AK9: variants seen among roughly 807,000 people sequenced by gnomAD.
The protein encoded by AK9 is adenylate kinase domain containing 1.
Under a neutral mutation model 239.6 loss-of-function variants are expected in AK9, and 191 were observed. The ratio of observed to expected loss-of-function variants is 0.80; its 90% confidence interval spans 0.71 to 0.90. AK9 has a LOEUF of 0.90. Among genes scored for constraint, AK9 ranks in the 40% least tolerant of loss-of-function variants. The probability of loss-of-function intolerance (pLI) is 0.00; values close to 1 mark genes in which losing one functional copy is unlikely to be tolerated. For synonymous variants in AK9, 689 were observed against 721.0 expected (o/e 0.96, Z 0.71); for missense variants, 1,995 against 2,214.7 (o/e 0.90, Z 1.99).
At chr6:109,611,833 A>C (rs1013548949) in intron 16 of AK9, among the ~76,000 whole-genome samples, 177 bp downstream of exon 16, 10 of 152,224 alleles carry the variant, frequency 6.6e-5, no homozygotes, top group Non-Finnish European at 1.3e-4. Context: ...TTAGTTTTTC[A>C]GTGTTCTTGC....
intron 17 of AK9, among the ~76,000 whole-genome samples, chr6:109,594,535 A>G (rs1041495636): frequency 6.6e-6 from 1 of 152,232 alleles, no homozygotes; most frequent in East Asian, 1.9e-4. Context: ...GGAACCAAAA[A>G]AGAGCTCATA....
chr6:109,522,094 C>T (rs1360237025), intron 29 of AK9, among the ~76,000 whole-genome samples: 7 of 151,994 alleles, frequency 4.6e-5, no homozygotes, highest in Admixed American at 4.6e-4. Flanking sequence ...TAGAATTTTA[C>T]AAGTGTTGTC....
Position 109,563,592 on chromosome 6 carries a change from C to G in AK9, c.2751+5G>C, listed in dbSNP as rs536011474. 1 of 1,549,554 alleles carries G rather than the reference C, an allele frequency of 6.5e-7. No homozygotes were observed. Among genetic ancestry groups the G allele is most frequent in the East Asian group, 2.4e-5 (1 of 40,890 alleles). On this transcript the variant is annotated splice_donor_5th_base_variant and intron_variant, in intron 24 of 40. Transcript: ENST00000424296. ...TGAGAATGAGTAGAAATAAAAGAATCATGCCTCTTCCTCTTCCTCTTCCTC... is the reference window on the plus strand; with the variant it reads ...TGAGAATGAGTAGAAATAAAAGAATGATGCCTCTTCCTCTTCCTCTTCCTC...
intron 22 of AK9, 55 bp downstream of exon 22, chr6:109,564,701 A>C: frequency 2.2e-6 from 3 of 1,378,786 alleles, no homozygotes; most frequent in Non-Finnish European, 3.0e-6. Context: ...GACCCTTTGT[A>C]AGAAAATATG....
intron 6 of AK9, among the ~76,000 whole-genome samples, chr6:109,660,581 G>T (rs913641326): frequency 6.6e-6 from 1 of 152,120 alleles, no homozygotes; most frequent in Non-Finnish European, 1.5e-5. Context: ...TTCACAAAAA[G>T]AATTTCAACC....
At chr6:109,642,323 C>A (rs1475827941) in intron 9 of AK9, among the ~76,000 whole-genome samples, 1 of 152,190 alleles carries the variant, frequency 6.6e-6, no homozygotes, top group Non-Finnish European at 1.5e-5. Flanking sequence ...AAGAGGCCAG[C>A]ACACAGATCA....
intron 1 of AK9, among the ~76,000 whole-genome samples, chr6:109,685,769 C>T (rs769672383): frequency 9.2e-5 from 14 of 152,132 alleles, no homozygotes; most frequent in Non-Finnish European, 1.5e-4. Flanking sequence ...AAGCTCATGA[C>T]ATTGCATACT....
intron 9 of AK9, 86 bp from the exon 10 acceptor site, chr6:109,641,702 C>T: frequency 9.4e-7 from 1 of 1,060,374 alleles, no homozygotes. Flanking sequence ...TGAGCCAAGA[C>T]CATGCTCCCC....
intron 27 of AK9, among the ~76,000 whole-genome samples, chr6:109,539,210 T>G (rs149957055): frequency 0.029 from 4,382 of 152,296 alleles, 100 homozygotes; most frequent in East Asian, 0.11. Flanking sequence ...TCCAACTTGG[T>G]TCCATTCTCC....
At chr6:109,683,304 C>A (rs1407905429) in intron 1 of AK9, among the ~76,000 whole-genome samples, 1 of 152,134 alleles carries the variant, frequency 6.6e-6, no homozygotes, top group Non-Finnish European at 1.5e-5. Context: ...ATTGAATGGG[C>A]AAAAACTGGA....
intron 8 of AK9, among the ~76,000 whole-genome samples, chr6:109,647,989 A>C (rs1299552230): frequency 6.6e-6 from 1 of 152,140 alleles, no homozygotes; most frequent in Non-Finnish European, 1.5e-5. Flanking sequence ...CTGAATGACT[A>C]CTGGGTACAT....
chr6:109,674,811 A>T (rs1175123469), intron 2 of AK9, among the ~76,000 whole-genome samples: 1 of 152,210 alleles, frequency 6.6e-6, no homozygotes, highest in Non-Finnish European at 1.5e-5. Context: ...AACATAGTGA[A>T]AGTTGTTGAA....
chr6:109,632,837 C>A (rs1010371695), intron 12 of AK9, 86 bp downstream of exon 12: 2 of 1,410,966 alleles, frequency 1.4e-6, no homozygotes, highest in Non-Finnish European at 9.3e-7. Flanking sequence ...AAATTATAAT[C>A]GAGTATAGAT....
chr6:109,647,346 C>T (rs199658063), intron 8 of AK9, among the ~76,000 whole-genome samples: 1 of 152,246 alleles, frequency 6.6e-6, no homozygotes, highest in South Asian at 2.1e-4. Context: ...GGAGACCCAT[C>T]TCACGTGCAG....
At chr6:109,684,393 C>T (rs945489165) in intron 1 of AK9, among the ~76,000 whole-genome samples, 1 of 152,118 alleles carries the variant, frequency 6.6e-6, no homozygotes, top group African/African-American at 2.4e-5. Context: ...CCAAAATTGA[C>T]AAATGGGATC....
intron 24 of AK9, among the ~76,000 whole-genome samples, chr6:109,551,772 A>G (rs1784393277): frequency 8.5e-6 from 1 of 117,560 alleles, no homozygotes; most frequent in Admixed American, 8.8e-5. Context: ...ATTTCTTCCA[A>G]AAAAAAAAAG....
At position 109,563,687 on chromosome 6, in the gene AK9, C is replaced by T. The variant is rs754701912; in HGVS notation, c.2661G>A (p.Glu887=). 1.3e-6 allele frequency: 2 copies of T among 1,550,764 alleles called. No individual in the cohort carries two copies. Among genetic ancestry groups the T allele is most frequent in the South Asian group, 1.2e-5 (1 of 84,024 alleles). ...CTTCCTCATAATCTTCCCCAGTTAACTCCCATGCAGTATATTGAAATGGTT... is the reference window on the plus strand; with the variant it reads ...CTTCCTCATAATCTTCCCCAGTTAATTCCCATGCAGTATATTGAAATGGTT... ...MEKPFQYTAW[E]LTGEDYEEET... The change falls in exon 24 of 41, where the codon GAG becomes GAA. Residue 887 remains glutamate (E), a synonymous_variant. Transcript: ENST00000424296.
intron 17 of AK9, among the ~76,000 whole-genome samples, chr6:109,593,359 G>A (rs1700942304): frequency 6.6e-6 from 1 of 152,024 alleles, no homozygotes; most frequent in African/African-American, 2.4e-5. Flanking sequence ...TTCTGAAATT[G>A]AGGCAGTAAT....
At chr6:109,614,604 TA>T in intron 13 of AK9, 124 bp from the exon 14 acceptor site, 1 of 732,254 alleles carries the variant, frequency 1.4e-6, no homozygotes, top group East Asian at 2.7e-5. Context: ...TTATAAGCTG[TA>T]AGGGCTGTGT....
Sources: allele counts gnomAD v4.1 joint callset (sites outside exome capture counted in the v4.1 genomes callset), GRCh38; gene constraint gnomAD v4.1.1; transcripts MANE v1.5; gene names NCBI Gene and HGNC (gene_info 2026-07-23, HGNC 2026-07-21).